RBFOX1: variants seen among roughly 807,000 people sequenced by gnomAD.
RBFOX1 encodes the protein RNA binding fox-1 homolog 1.
A neutral mutation model predicts 57.7 loss-of-function variants in RBFOX1; 8 were observed. The observed-to-expected ratio is 0.14, with a 90% CI of 0.08 to 0.25. RBFOX1 has a LOEUF of 0.25. Among genes scored for constraint, RBFOX1 ranks in the 10% least tolerant of loss-of-function variants. The pLI is 1.00. For missense variants in RBFOX1, 611 were observed against 548.5 expected, an observed-to-expected ratio of 1.11 and a Z score of -1.14; for synonymous variants, 326 against 222.4, an observed-to-expected ratio of 1.47 and a Z score of -4.15.
intron 2 of RBFOX1, among the ~76,000 whole-genome samples, chr16:6,471,199 T>G (rs1415302336): frequency 1.3e-5 from 2 of 152,168 alleles, no homozygotes; most frequent in Non-Finnish European, 2.9e-5. Context: ...TTTCCTATGG[T>G]TTGAATGCCT....
intron 14 of RBFOX1, among the ~76,000 whole-genome samples, chr16:7,687,750 A>C (rs2076371228): frequency 6.6e-6 from 1 of 152,104 alleles, no homozygotes; most frequent in Admixed American, 6.6e-5. Flanking sequence ...TAGCAATTAA[A>C]ATATTAAGTA....
chr16:7,237,608 C>A (rs1281221007), intron 4 of RBFOX1, among the ~76,000 whole-genome samples: 2 of 152,226 alleles, frequency 1.3e-5, no homozygotes, highest in African/African-American at 4.8e-5. Context: ...GTATAGGTGA[C>A]TTTAGAAAGT....
At chr16:5,860,505 C>G (rs1420250230) in intron 3 of RBFOX1, among the ~76,000 whole-genome samples, 1 of 152,210 alleles carries the variant, frequency 6.6e-6, no homozygotes, top group Non-Finnish European at 1.5e-5. Flanking sequence ...CTGTTGCTTG[C>G]TCCCATTTGT....
chr16:6,896,192 G>C (rs944213278), intron 3 of RBFOX1, among the ~76,000 whole-genome samples: 1 of 152,148 alleles, frequency 6.6e-6, no homozygotes, highest in African/African-American at 2.4e-5. Flanking sequence ...AGAATCACTT[G>C]AACCTGGCAG....
At chr16:7,528,132 C>T (rs2079115625) in intron 5 of RBFOX1, among the ~76,000 whole-genome samples, 1 of 152,166 alleles carries the variant, frequency 6.6e-6, no homozygotes, top group Admixed American at 6.5e-5. Flanking sequence ...CTTGCTTTTG[C>T]TAAATGAGGA....
At chr16:6,201,216 A>C (rs1177926815) in intron 1 of RBFOX1, among the ~76,000 whole-genome samples, 2 of 152,188 alleles carry the variant, frequency 1.3e-5, no homozygotes, top group Admixed American at 6.5e-5. Flanking sequence ...GTTAGTGGAC[A>C]TGAAGGTGGC....
chr16:6,643,922 T>A (rs997524690), intron 2 of RBFOX1, among the ~76,000 whole-genome samples: 1 of 152,042 alleles, frequency 6.6e-6, no homozygotes, highest in African/African-American at 2.4e-5. Flanking sequence ...GGTCAGGAGT[T>A]TGAGACCAGC....
Position 6,745,116 on chromosome 16 carries a change from G to A in RBFOX1, c.-16+90466G>A, listed in dbSNP as rs566255760. On this transcript the variant is annotated intron_variant, in intron 3 of 15. Coordinates refer to ENST00000550418, the MANE Select transcript of RBFOX1 (RefSeq NM_018723.4). The stretch of plus-strand genomic sequence containing the variant: ...GGTAAATTCCTTGAAAGAGATCTAA[G>A]AAAGCTCACTAAAGAAGAAATAGAT... Among the ~76,000 whole-genome samples the A allele has an allele frequency of 2.0e-5, 3 of 152,142 alleles. No homozygotes were observed. The South Asian group carries it at 6.2e-4, about 32-fold the overall frequency.
At chr16:5,646,451 C>T (rs2049057978) in intron 3 of RBFOX1, among the ~76,000 whole-genome samples, 1 of 152,088 alleles carries the variant, frequency 6.6e-6, no homozygotes, top group Non-Finnish European at 1.5e-5. Context: ...TGGTTCCCAG[C>T]ACAGTGCTTG....
intron 4 of RBFOX1, among the ~76,000 whole-genome samples, chr16:7,401,934 C>G (rs2098250916): frequency 6.6e-6 from 1 of 152,112 alleles, no homozygotes; most frequent in Non-Finnish European, 1.5e-5. Flanking sequence ...GAGGTTAAAT[C>G]TCCAAAAGAG....
At chr16:7,603,134 A>C (rs1442676194) in intron 9 of RBFOX1, among the ~76,000 whole-genome samples, 1 of 152,194 alleles carries the variant, frequency 6.6e-6, no homozygotes, top group African/African-American at 2.4e-5. Flanking sequence ...AATTTCAACT[A>C]AGCAACCGGG....
intron 2 of RBFOX1, among the ~76,000 whole-genome samples, chr16:5,593,230 C>G (rs950172410): frequency 2.0e-5 from 3 of 151,878 alleles, no homozygotes; most frequent in Admixed American, 1.3e-4. Flanking sequence ...TCTCAGCAAA[C>G]TAACACAGGA....
intron 3 of RBFOX1, among the ~76,000 whole-genome samples, chr16:5,822,795 C>A (rs1030917932): frequency 6.6e-6 from 1 of 152,170 alleles, no homozygotes; most frequent in South Asian, 2.1e-4. Flanking sequence ...AGTGCATGGA[C>A]TTTGGAACCT....
intron 2 of RBFOX1, among the ~76,000 whole-genome samples, chr16:5,469,069 G>A (rs912355830): frequency 1.3e-5 from 2 of 152,206 alleles, no homozygotes; most frequent in African/African-American, 2.4e-5. Context: ...CTGACCAGTA[G>A]AGGTTTTCTT....
rs1484825832 is a variant in RBFOX1, at chr16:5,863,463, C to T, written c.319-3840C>T. 2.0e-5 allele frequency among the ~76,000 whole-genome samples: 3 copies of T among 152,206 alleles called. No individual in the cohort carries two copies. In the East Asian group the frequency reaches 5.8e-4, roughly 29 times the overall value. Reference sequence around the variant, plus strand: ...TGGCGTCAGCAACCCTTAAAGAGCCCTCCATCCTCCAGCAGGCCTCTGCGG... The same window carrying T: ...TGGCGTCAGCAACCCTTAAAGAGCCTTCCATCCTCCAGCAGGCCTCTGCGG... On this transcript the variant is annotated intron_variant, in intron 3 of 19. Transcript: ENST00000641259.
intron 1 of RBFOX1, among the ~76,000 whole-genome samples, chr16:6,066,319 A>AAAAAAAAAG (rs2095762200): frequency 6.8e-6 from 1 of 146,750 alleles, no homozygotes; most frequent in African/African-American, 2.6e-5. Context: ...AAAAAAAAAA[A>AAAAAAAAAG]AGGCATAATT....
chr16:7,580,690 A>G (rs1328320344), intron 6 of RBFOX1, among the ~76,000 whole-genome samples: 1 of 152,168 alleles, frequency 6.6e-6, no homozygotes, highest in African/African-American at 2.4e-5. Flanking sequence ...TTTTTCTCGA[A>G]GATATCTTCA....
intron 3 of RBFOX1, among the ~76,000 whole-genome samples, chr16:6,843,223 C>G (rs868022164): frequency 6.6e-6 from 1 of 151,980 alleles, no homozygotes; most frequent in Non-Finnish European, 1.5e-5. Context: ...GTGAAAATCT[C>G]TTTATTTCTG....
In RBFOX1 at chr16:6,019,730, C is replaced by G. The variant is rs527407646; in HGVS notation, c.-389C>G. 31 of 1,371,436 alleles carry G rather than the reference C, an allele frequency of 2.3e-5. No individual in the cohort carries two copies. In the African/African-American group the frequency reaches 2.4e-4, roughly 11 times the overall value. The allele number at this position is 1,371,436 out of a possible 1,614,324, so 85.0% of individuals were successfully genotyped here. ...AGAGAGCAGGAGCGGACCGCGCGCC[C>G]GGGATTGAGAGTCCTTGCGCTCCAG... On this transcript the variant is annotated 5_prime_UTR_variant, in exon 1 of 16. Transcript: ENST00000550418. The surrounding 1 kb of genome is among the most constrained non-coding windows in gnomAD (Gnocchi z 4.2).
Sources: allele counts gnomAD v4.1 joint callset (sites outside exome capture counted in the v4.1 genomes callset), GRCh38; gene constraint gnomAD v4.1.1; non-coding constraint Gnocchi (gnomAD v3.1); transcripts MANE v1.5; gene names NCBI Gene and HGNC (gene_info 2026-07-23, HGNC 2026-07-21).